Variants in KIZ observed in about 807,000 individuals in gnomAD.
KIZ encodes the protein centrosomal protein kizuna.
A neutral mutation model predicts 79.6 loss-of-function variants in KIZ; 68 were observed. The ratio of observed to expected loss-of-function variants is 0.85; its 90% CI spans 0.70 to 1.05. The LOEUF (loss-of-function observed/expected upper bound fraction) is 1.05. Among genes scored for constraint, KIZ ranks in the 50% least tolerant of loss-of-function variants. The pLI is 0.00. For synonymous variants in KIZ, 280 were observed against 281.8 expected, an observed-to-expected ratio of 0.99 and a Z score of 0.06; for missense variants, 797 against 800.4, an observed-to-expected ratio of 1.00 and a Z score of 0.05.
chr20:21,232,633 G>A (rs2036871116), intron 10 of KIZ, 101 bp from the exon 11 acceptor site: 1 of 671,172 alleles, frequency 1.5e-6, no homozygotes, highest in Non-Finnish European at 2.8e-6. Flanking sequence ...TTCCTCTGTT[G>A]GCGTTTGTTT....
chr20:21,162,899 G>T lies in KIZ; in HGVS notation c.1092G>T (p.Met364Ile). The T allele has an allele frequency of 1.2e-6, 2 of 1,613,562 alleles. No homozygotes were observed. Among genetic ancestry groups the T allele is most frequent in the Non-Finnish European group, 1.7e-6 (2 of 1,179,726 alleles). Reference sequence around the variant, plus strand: ...AGTCACAAAAGCCCTTCAGAAAAATGCAGGAAGAGGAGGAGGAAAGTTGGA... The same window carrying T: ...AGTCACAAAAGCCCTTCAGAAAAATTCAGGAAGAGGAGGAGGAAAGTTGGA... ...EPKSQKPFRK[M>I]QEEEEESWST... is the part of the protein sequence containing the mutation. Residue 364 changes from methionine to isoleucine, a missense_variant, in exon 6 of 13, where the codon ATG becomes ATT. Transcript: ENST00000619189.
At chr20:21,184,040 G>A (rs2034771088) in intron 6 of KIZ, among the ~76,000 whole-genome samples, 1 of 152,064 alleles carries the variant, frequency 6.6e-6, no homozygotes, top group Admixed American at 6.5e-5. Context: ...CACTCAAGCT[G>A]TATGGGTTAG....
chr20:21,142,350 C>G (rs1049195191), intron 3 of KIZ, among the ~76,000 whole-genome samples: 67 of 152,190 alleles, frequency 4.4e-4, no homozygotes, highest in African/African-American at 1.6e-3. Flanking sequence ...TTTCAATGCT[C>G]TCAGTATCTG....
intron 4 of KIZ, chr20:21,148,712 G>A (rs778842730): frequency 2.0e-5 from 3 of 152,166 alleles, no homozygotes; most frequent in East Asian, 1.9e-4. Flanking sequence ...TTGAGATGGC[G>A]TTTTTGAATG....
rs143977472 is a variant in KIZ, at chr20:21,137,225, G to C, written c.315+673G>C. ...GCTCCTGGTCTGTGTGACCCAGAGT[G>C]ACTGCCCTTGCAGCTCTCTCTGGTT... is the stretch of plus-strand genomic sequence containing the variant. On this transcript the variant is annotated intron_variant, in intron 3 of 12. Transcript: ENST00000619189. Among the ~76,000 whole-genome samples the C allele has an allele frequency of 4.6e-5, 7 of 152,346 alleles. No homozygotes were observed. The East Asian group carries it at 1.3e-3, about 29-fold the overall frequency.
intron 9 of KIZ, among the ~76,000 whole-genome samples, chr20:21,225,471 A>C (rs1382721457): frequency 3.9e-5 from 6 of 152,210 alleles, no homozygotes; most frequent in Non-Finnish European, 7.3e-5. Context: ...CTTTAAAGCA[A>C]CCACCCAATC....
chr20:21,184,190 C>T (rs1359365144), intron 6 of KIZ, among the ~76,000 whole-genome samples: 4 of 151,176 alleles, frequency 2.6e-5, no homozygotes, highest in African/African-American at 9.7e-5. Flanking sequence ...TGTTGTTGCC[C>T]AGGCTAGAGT....
intron 2 of KIZ, 127 bp from the exon 3 acceptor site, chr20:21,136,263 G>A (rs1383806658): frequency 3.3e-6 from 2 of 597,378 alleles, no homozygotes; most frequent in Non-Finnish European, 5.8e-6. Context: ...TGTTGTTTGG[G>A]TTTCGGTGGT....
chr20:21,232,399 T>C (rs770650188), intron 10 of KIZ, among the ~76,000 whole-genome samples: 2 of 152,216 alleles, frequency 1.3e-5, no homozygotes, highest in African/African-American at 2.4e-5. Flanking sequence ...CCGTGTGTTA[T>C]AACAATGGGA....
chr20:21,147,295 T>G (rs1001212214), intron 4 of KIZ, among the ~76,000 whole-genome samples: 1 of 152,206 alleles, frequency 6.6e-6, no homozygotes, highest in African/African-American at 2.4e-5. Flanking sequence ...TGGAAAGGTG[T>G]CATTTCCTTA....
chr20:21,173,382 A>G (rs1198515264), intron 6 of KIZ, among the ~76,000 whole-genome samples: 1 of 151,634 alleles, frequency 6.6e-6, no homozygotes, highest in Non-Finnish European at 1.5e-5. Flanking sequence ...GTTCAAGACC[A>G]GCCTGGCCAA....
At chr20:21,193,744 C>A (rs1022361150) in intron 6 of KIZ, among the ~76,000 whole-genome samples, 1 of 150,888 alleles carries the variant, frequency 6.6e-6, no homozygotes, top group Admixed American at 6.6e-5. Flanking sequence ...TCTCAGCAAA[C>A]TATCGCAAGG....
rs2036256569 is a variant in KIZ, at chr20:21,215,616, A to C, written c.1646A>C (p.Lys549Thr). The C allele has an allele frequency of 1.9e-6, 3 of 1,607,770 alleles. No homozygotes were observed. In the Middle Eastern group the frequency reaches 5.0e-4, roughly 265 times the overall value. Residue 549 changes from lysine (K) to threonine (T), a missense_variant, in exon 9 of 13, where the codon AAA becomes ACA. Transcript: ENST00000619189. ...AGTGGCTGTGGAGACAAGAGCAAGA[A>C]AGAAAATGTGGCTGCAGATATCCCA... ...VSSGCGDKSK[K>T]ENVAADIPIT...
At chr20:21,149,969 A>G (rs776297905) in intron 4 of KIZ, among the ~76,000 whole-genome samples, 1 of 152,216 alleles carries the variant, frequency 6.6e-6, no homozygotes, top group Non-Finnish European at 1.5e-5. Context: ...GGAAGATGGC[A>G]TGGGGAAGGG....
chr20:21,126,344 G>T, intron 1 of KIZ, 140 bp downstream of exon 1: 1 of 531,602 alleles, frequency 1.9e-6, no homozygotes. Flanking sequence ...GGCTCCCAGT[G>T]GGGCCTGGAG....
chr20:21,205,768 C>G (rs2035802423), intron 7 of KIZ, among the ~76,000 whole-genome samples, 184 bp downstream of exon 7: 3 of 151,832 alleles, frequency 2.0e-5, no homozygotes, highest in Admixed American at 1.3e-4. Context: ...CGAGACCATT[C>G]TGGCCAACAT....
At chr20:21,159,864 G>A (rs371991967) in intron 4 of KIZ, among the ~76,000 whole-genome samples, 2 of 152,082 alleles carry the variant, frequency 1.3e-5, no homozygotes, top group Non-Finnish European at 2.9e-5. Flanking sequence ...TACACTCTCC[G>A]TACTTCTGCC....
chr20:21,142,156 C>G (rs2032587054), intron 3 of KIZ, among the ~76,000 whole-genome samples: 1 of 152,078 alleles, frequency 6.6e-6, no homozygotes, highest in African/African-American at 2.4e-5. Flanking sequence ...TTTAAGCATG[C>G]TGGACAATTT....
At chr20:21,223,044 AAAGAT>A (rs1338354405) in intron 9 of KIZ, among the ~76,000 whole-genome samples, 1 of 152,216 alleles carries the variant, frequency 6.6e-6, no homozygotes, top group Non-Finnish European at 1.5e-5. Flanking sequence ...AAATAATGGT[AAAGAT>A]AAGATTGCCA....
Sources: allele counts gnomAD v4.1 joint callset (sites outside exome capture counted in the v4.1 genomes callset), GRCh38; gene constraint gnomAD v4.1.1; transcripts MANE v1.5; gene names NCBI Gene and HGNC (gene_info 2026-07-23, HGNC 2026-07-21).